The following NECAB1 variants were observed in gnomAD, a reference collection of about 807,000 sequenced individuals.
The protein encoded by NECAB1 is N-terminal EF-hand calcium binding protein 1.
NECAB1 carries 29 observed loss-of-function variants against 57.5 expected under a neutral mutation model. That is an observed-to-expected ratio of 0.50 (90% CI 0.38 to 0.69). The LOEUF is 0.69. NECAB1 is among the 30% of genes least tolerant of loss of function. NECAB1 has a pLI of 0.00. For synonymous variants in NECAB1, 142 were observed against 147.7 expected, an observed-to-expected ratio of 0.96 and a Z score of 0.28; for missense variants, 372 against 413.8, an observed-to-expected ratio of 0.90 and a Z score of 0.88.
intron 3 of NECAB1, among the ~76,000 whole-genome samples, chr8:90,827,419 T>C (rs1181779232): frequency 1.3e-5 from 2 of 152,028 alleles, no homozygotes; most frequent in South Asian, 4.1e-4. Context: ...AGCTCCTGCC[T>C]TTCCTTATGT....
intron 8 of NECAB1, among the ~76,000 whole-genome samples, chr8:90,933,704 C>T (rs1433805931): frequency 1.3e-5 from 2 of 151,976 alleles, no homozygotes; most frequent in Non-Finnish European, 2.9e-5. Context: ...GCAAATACCA[C>T]CTGTTCCCCA....
chr8:90,936,739 T>C (rs1349133699), intron 9 of NECAB1, among the ~76,000 whole-genome samples: 2 of 152,174 alleles, frequency 1.3e-5, no homozygotes. Flanking sequence ...CTGCCATCTC[T>C]AGTTTTCTGG....
chr8:90,827,189 C>T (rs1812239227), intron 3 of NECAB1, among the ~76,000 whole-genome samples: 1 of 151,956 alleles, frequency 6.6e-6, no homozygotes, highest in Non-Finnish European at 1.5e-5. Context: ...ATTATTTTCT[C>T]CTTCCACTCA....
intron 7 of NECAB1, among the ~76,000 whole-genome samples, chr8:90,926,689 T>A (rs2740791): frequency 1.3e-5 from 2 of 151,932 alleles, no homozygotes; most frequent in Non-Finnish European, 2.9e-5. Context: ...AACAGCTGGA[T>A]CATTTTCTTC....
rs151005477 is a variant in NECAB1, at chr8:90,817,523, A to C, written c.125-7194A>C. On this transcript the variant is annotated intron_variant, in intron 2 of 12. Coordinates refer to ENST00000417640, the MANE Select transcript of NECAB1 (RefSeq NM_022351.5). The stretch of plus-strand genomic sequence containing the variant: ...TATTCCCAGTTTGCTGAGAGTTATT[A>C]ATGGGTGTATGATTTTTCAAATGCA... Among the ~76,000 whole-genome samples, 1,480 of 151,426 alleles carry C rather than the reference A, an allele frequency of 9.8e-3. 8 individuals carry two copies. The highest frequency in any genetic ancestry group is 0.016 in the Non-Finnish European group (1,068 of 67,634).
rs186574291 is a variant in NECAB1, at chr8:90,804,293, T to A, written c.124+2578T>A. Among the ~76,000 whole-genome samples, 304 of 152,066 alleles carry A rather than the reference T, an allele frequency of 2.0e-3. 3 individuals are homozygous for A. The highest frequency in any genetic ancestry group is 7.0e-3 in the East Asian group (36 of 5,160). On this transcript the variant is annotated intron_variant, in intron 2 of 12. Transcript: ENST00000417640. ...AACACAGAAAGACAAATACCTCTTATACATCTATATCGAGCCTAAAACAAT... is the reference window on the plus strand; with the variant it reads ...AACACAGAAAGACAAATACCTCTTAAACATCTATATCGAGCCTAAAACAAT...
intron 5 of NECAB1, among the ~76,000 whole-genome samples, chr8:90,885,962 T>C (rs560341540): frequency 2.3e-3 from 343 of 152,266 alleles, no homozygotes; most frequent in African/African-American, 8.1e-3. Context: ...TGAAAGAAAT[T>C]ATAGACAGAA....
At chr8:90,804,960 A>C (rs1212050137) in intron 2 of NECAB1, among the ~76,000 whole-genome samples, 2 of 152,212 alleles carry the variant, frequency 1.3e-5, no homozygotes, top group Admixed American at 6.5e-5. Flanking sequence ...ACACTTGCTC[A>C]TTTTGCTGCT....
At chr8:90,880,937 T>A (rs1414281204) in intron 4 of NECAB1, 96 bp from the exon 5 acceptor site, 1 of 824,326 alleles carries the variant, frequency 1.2e-6, no homozygotes, top group Non-Finnish European at 1.9e-6. Flanking sequence ...TGACATTTTG[T>A]TTTACTCATT....
chr8:90,849,025 C>A (rs1428533785), intron 3 of NECAB1, among the ~76,000 whole-genome samples: 1 of 152,122 alleles, frequency 6.6e-6, no homozygotes, highest in Non-Finnish European at 1.5e-5. Context: ...AAACCCACCC[C>A]CAATGATTCA....
intron 9 of NECAB1, among the ~76,000 whole-genome samples, chr8:90,935,476 T>C (rs1054903005): frequency 1.3e-5 from 2 of 152,080 alleles, no homozygotes; most frequent in African/African-American, 4.8e-5. Context: ...TTTAAAATGG[T>C]AGACTTTCAT....
rs1811039715 is a variant in NECAB1, at chr8:90,956,737, G to GA, written c.*1231dup. The GA allele has an allele frequency of 6.6e-6, 1 of 151,718 alleles. No individual in the cohort carries two copies. The highest frequency in any genetic ancestry group is 2.1e-4 in the South Asian group (1 of 4,808). The allele number at this position is 151,718 out of a possible 1,614,324, so 9.4% of individuals were successfully genotyped here. ...GTTTTTCCCCCTTTGAAAAACTCAG[G>GA]AAAAAAGGAAGATTGAACTAATAAA... On this transcript the variant is annotated 3_prime_UTR_variant, in exon 13 of 13. Transcript: ENST00000417640.
chr8:90,796,137 T>C (rs1811658068), intron 1 of NECAB1, among the ~76,000 whole-genome samples: 1 of 152,232 alleles, frequency 6.6e-6, no homozygotes, highest in Non-Finnish European at 1.5e-5. Flanking sequence ...TTTCAGTGCC[T>C]GCTTCCCCTT....
At chr8:90,928,172 TTC>T (rs1168202947) in intron 7 of NECAB1, 49 bp from the exon 8 acceptor site, 2 of 1,358,254 alleles carry the variant, frequency 1.5e-6, no homozygotes, top group Non-Finnish European at 1.0e-6. Context: ...CAAGCATTTC[TTC>T]TCTGTCTAAA....
intron 3 of NECAB1, among the ~76,000 whole-genome samples, chr8:90,861,122 G>T (rs1424754482): frequency 6.6e-6 from 1 of 152,048 alleles, no homozygotes; most frequent in East Asian, 1.9e-4. Flanking sequence ...ACCTCCAGTG[G>T]CTCCTCTGAT....
intron 5 of NECAB1, among the ~76,000 whole-genome samples, chr8:90,882,877 C>G (rs1313784962): frequency 6.6e-6 from 1 of 151,998 alleles, no homozygotes; most frequent in Non-Finnish European, 1.5e-5. Flanking sequence ...TAAAATCATA[C>G]TCAAAAATTT....
intron 2 of NECAB1, among the ~76,000 whole-genome samples, chr8:90,802,281 A>G (rs1241852678): frequency 2.0e-5 from 3 of 152,208 alleles, no homozygotes; most frequent in African/African-American, 7.2e-5. Flanking sequence ...GGAAATGATA[A>G]TCTATAGCAA....
intron 3 of NECAB1, among the ~76,000 whole-genome samples, chr8:90,863,037 C>T (rs776497410): frequency 3.9e-5 from 6 of 152,014 alleles, no homozygotes; most frequent in East Asian, 3.9e-4. Flanking sequence ...CCAGAAAAAT[C>T]GATTGTCCCC....
At chr8:90,916,915 A>G (rs1809966716) in intron 5 of NECAB1, among the ~76,000 whole-genome samples, 1 of 152,240 alleles carries the variant, frequency 6.6e-6, no homozygotes, top group Admixed American at 6.5e-5. Flanking sequence ...ACTGAAGGAA[A>G]GACATAAGCA....
Sources: gnomAD v4.1 joint callset for allele counts (sites outside exome capture counted in the v4.1 genomes callset) on GRCh38, gnomAD v4.1.1 for gene constraint, MANE v1.5 for transcripts, NCBI Gene and HGNC (gene_info 2026-07-23, HGNC 2026-07-21) for gene names.